COL11A1: variants seen among roughly 807,000 people sequenced by gnomAD.
COL11A1 encodes the protein collagen alpha-1(XI) chain.
Under a neutral mutation model 265.2 loss-of-function variants are expected in COL11A1, and 74 were observed. The ratio of observed to expected loss-of-function variants is 0.28; its 90% CI spans 0.23 to 0.34. The LOEUF is 0.34. Among genes scored for constraint, COL11A1 ranks in the 10% least tolerant of loss-of-function variants. The pLI, the probability that COL11A1 is intolerant of heterozygous loss-of-function variation, is 1.00. For synonymous variants in COL11A1, 816 were observed against 727.6 expected (o/e 1.12, Z -1.96); for missense variants, 2,165 against 2,263.6 (o/e 0.96, Z 0.88).
At chr1:102,929,433 T>G (rs1657088205) in intron 46 of COL11A1, among the ~76,000 whole-genome samples, 1 of 151,928 alleles carries the variant, frequency 6.6e-6, no homozygotes, top group African/African-American at 2.4e-5. Flanking sequence ...AGGGCTCTGT[T>G]CTGTTCCATT....
At chr1:103,036,379 T>C (rs1668375963) in intron 4 of COL11A1, among the ~76,000 whole-genome samples, 1 of 147,214 alleles carries the variant, frequency 6.8e-6, no homozygotes, top group Non-Finnish European at 1.5e-5. Context: ...ATATATATTA[T>C]ATATAATATA....
intron 38 of COL11A1, among the ~76,000 whole-genome samples, chr1:102,963,774 C>A (rs371710768): frequency 6.6e-6 from 1 of 151,826 alleles, no homozygotes; most frequent in Admixed American, 6.6e-5. Context: ...AAACATTTAT[C>A]CAAAACATGA....
At chr1:103,019,642 G>C (rs1666842235) in intron 9 of COL11A1, among the ~76,000 whole-genome samples, 1 of 151,572 alleles carries the variant, frequency 6.6e-6, no homozygotes, top group South Asian at 2.1e-4. Flanking sequence ...CAATGTGCAG[G>C]TTAGTTACAT....
intron 4 of COL11A1, among the ~76,000 whole-genome samples, chr1:103,056,289 A>G (rs946418627): frequency 6.6e-6 from 1 of 152,206 alleles, no homozygotes; most frequent in Non-Finnish European, 1.5e-5. Flanking sequence ...ACCTCAGGCT[A>G]TCTCCAGAAT....
chr1:102,890,133 A>G (rs1651560618), intron 58 of COL11A1, among the ~76,000 whole-genome samples: 1 of 152,184 alleles, frequency 6.6e-6, no homozygotes, highest in Non-Finnish European at 1.5e-5. Context: ...CACATTTAAA[A>G]ACATAAAAAT....
At chr1:102,930,494 CA>C (rs1288853242) in intron 46 of COL11A1, among the ~76,000 whole-genome samples, 1 of 151,954 alleles carries the variant, frequency 6.6e-6, no homozygotes, top group Non-Finnish European at 1.5e-5. Context: ...TTCATTTTGC[CA>C]GTATTTTATT....
intron 5 of COL11A1, among the ~76,000 whole-genome samples, chr1:103,030,324 A>C (rs1667876884): frequency 6.6e-6 from 1 of 152,106 alleles, no homozygotes; most frequent in African/African-American, 2.4e-5. Context: ...AAGTAGTGTC[A>C]AAAACATACT....
chr1:102,900,737 A>G (rs575661791), intron 54 of COL11A1, among the ~76,000 whole-genome samples: 52 of 152,320 alleles, frequency 3.4e-4, no homozygotes, highest in African/African-American at 1.1e-3. Flanking sequence ...AAATGACAAT[A>G]CAGCAACTAA....
chr1:102,986,660 T>C (rs1160709743), intron 30 of COL11A1, among the ~76,000 whole-genome samples: 1 of 152,178 alleles, frequency 6.6e-6, no homozygotes, highest in Non-Finnish European at 1.5e-5. Context: ...TATTTTGCTT[T>C]AGTGTATATA....
chr1:103,027,726 A>T lies in COL11A1; in HGVS notation c.781-1394T>A, dbSNP rs551314465. Among the ~76,000 whole-genome samples, 654 of 152,134 alleles carry T rather than the reference A, an allele frequency of 4.3e-3. 2 individuals carry two copies. The highest frequency in any genetic ancestry group is 7.3e-3 in the Non-Finnish European group (493 of 67,974). On this transcript the variant is annotated intron_variant, in intron 5 of 66. Transcript: ENST00000370096. ...AAGCTCTAGTAGCTTAAGAGGAGTT[A>T]TGAATTACAAAAACAATAAGTAAAT...
Position 103,012,698 on chromosome 1 carries a change from T to C in COL11A1, c.1573-229A>G, listed in dbSNP as rs535635857. Among the ~76,000 whole-genome samples the C allele has an allele frequency of 2.4e-3, 364 of 152,322 alleles. 3 individuals are homozygous for C. Among genetic ancestry groups the C allele is most frequent in the African/African-American group, 8.5e-3 (355 of 41,580 alleles). On this transcript the variant is annotated intron_variant, in intron 13 of 66. Coordinates refer to ENST00000370096, the MANE Select transcript of COL11A1 (RefSeq NM_001854.4). ...TTTTAACATATAAAATCTTGTAATA[T>C]ATATTGCTATGACTTAATCAAAAAT...
chr1:103,006,457 A>G (rs1665621990), intron 15 of COL11A1, 142 bp from the exon 16 acceptor site: 2 of 495,454 alleles, frequency 4.0e-6, no homozygotes, highest in East Asian at 3.8e-5. Flanking sequence ...ATTTCCATGT[A>G]AAAGTTCAGA....
chr1:102,943,889 G>T (rs1557854131), intron 42 of COL11A1, among the ~76,000 whole-genome samples: 1 of 152,162 alleles, frequency 6.6e-6, no homozygotes, highest in East Asian at 1.9e-4. Flanking sequence ...TGTAATCTTT[G>T]CATCCAGTAA....
In COL11A1 at chr1:103,108,366, C is replaced by T. The variant is rs372541219; in HGVS notation, c.-188G>A. On this transcript the variant is annotated 5_prime_UTR_variant, in exon 1 of 67. Coordinates refer to ENST00000370096, the MANE Select transcript of COL11A1 (RefSeq NM_001854.4). ...GCGTTCTTCGTGTCTCTAGCCCTTT[C>T]CTCTCCCTCTGAGTTGGCCCCACCG... 4.5e-5 allele frequency: 29 copies of T among 647,366 alleles called. No homozygotes were observed. Among genetic ancestry groups the T allele is most frequent in the East Asian group, 4.4e-4 (16 of 36,770 alleles). The allele number at this position is 647,366 out of a possible 1,614,324, so 40.1% of individuals were successfully genotyped here.
chr1:102,988,538 A>G (rs1318950396), intron 29 of COL11A1, among the ~76,000 whole-genome samples: 1 of 152,122 alleles, frequency 6.6e-6, no homozygotes, highest in African/African-American at 2.4e-5. Context: ...GGCATAAATT[A>G]CAGTCTGTTG....
At chr1:102,990,506 T>C (rs1361668026) in intron 28 of COL11A1, among the ~76,000 whole-genome samples, 1 of 151,846 alleles carries the variant, frequency 6.6e-6, no homozygotes, top group South Asian at 2.1e-4. Context: ...ATGCTGAAAA[T>C]GAAGTCATTT....
chr1:102,914,817 C>G lies in COL11A1; in HGVS notation c.3817-6G>C, dbSNP rs774247412. 7.0e-7 allele frequency: 1 copy of G among 1,419,760 alleles called. No individual in the cohort carries two copies. Among genetic ancestry groups the G allele is most frequent in the East Asian group, 2.5e-5 (1 of 39,818 alleles). 87.9% of individuals were successfully genotyped at this position (1,419,760 alleles called of 1,614,324 possible). A position where few individuals can be genotyped will look rare whatever the true frequency, so the allele number is the denominator to read the frequency against. ...CCTCTTTCTCCTTTGGGACCCTAAACAATGTTAAAAAAAAAAAAAGAAGAA... is the reference window on the plus strand; with the variant it reads ...CCTCTTTCTCCTTTGGGACCCTAAAGAATGTTAAAAAAAAAAAAAGAAGAA... On this transcript the variant is annotated splice_polypyrimidine_tract_variant and splice_region_variant and intron_variant, in intron 50 of 66. Transcript: ENST00000370096.
intron 21 of COL11A1, 121 bp downstream of exon 21, chr1:103,003,094 T>C (rs955248058): frequency 3.1e-6 from 3 of 980,366 alleles, no homozygotes; most frequent in African/African-American, 1.6e-5. Flanking sequence ...GCAGCAACAA[T>C]AGATCTTCAA....
rs1650009497 is a variant in COL11A1 at position 102,879,852 on chromosome 1, A to G, written c.5105T>C (p.Leu1702Pro). The change falls in exon 66 of 67, where the codon CTG (leucine) becomes CCG (proline). Residue 1702 changes from leucine (L) to proline (P), a missense_variant. Coordinates refer to ENST00000370096, the MANE Select transcript of COL11A1 (RefSeq NM_001854.4). ...GAAATTTTGCCGAGCAGAGGCAGTC[A>G]GAAGTTTCAGGAATGTCATTTGCAC... The part of the protein sequence containing the change: ...NMVQMTFLKL[L>P]TASARQNFTY... 1 of 1,613,854 alleles carries G rather than the reference A, an allele frequency of 6.2e-7. No homozygotes were observed. Among genetic ancestry groups the G allele is most frequent in the Non-Finnish European group, 8.5e-7 (1 of 1,179,908 alleles).
Sources: gnomAD v4.1 joint callset for allele counts (sites outside exome capture counted in the v4.1 genomes callset) on GRCh38, gnomAD v4.1.1 for gene constraint, MANE v1.5 for transcripts, NCBI Gene and HGNC (gene_info 2026-07-23, HGNC 2026-07-21) for gene names.